The following CD99 variants were observed in gnomAD, a reference collection of about 807,000 sequenced individuals.
The protein encoded by CD99 is CD99 antigen.
Under a neutral mutation model 28.4 loss-of-function variants are expected in CD99, and 19 were observed. The ratio of observed to expected loss-of-function variants is 0.67; its 90% CI spans 0.47 to 0.98. The LOEUF (loss-of-function observed/expected upper bound fraction) is 0.98, where lower values mean the gene tolerates loss of function less well. Among genes scored for constraint, CD99 ranks in the 50% least tolerant of loss-of-function variants. The pLI is 0.00. For synonymous variants in CD99, 103 were observed against 92.1 expected (o/e 1.12, Z -0.67); for missense variants, 283 against 248.8 (o/e 1.14, Z -0.92).
chrX:2,708,121 T>C (rs1639338), intron 1 of CD99, among the ~76,000 whole-genome samples: 115,662 of 149,868 alleles, frequency 0.77, 44,181 homozygotes, highest in South Asian at 0.85. Flanking sequence ...GGGACTGCCT[T>C]CCTCACACAC....
chrX:2,724,883 GTA>G (rs1222559679), intron 7 of CD99, among the ~76,000 whole-genome samples: 1 of 144,604 alleles, frequency 6.9e-6, no homozygotes, highest in Non-Finnish European at 1.5e-5. Flanking sequence ...GGGTGACAAA[GTA>G]AGACTGCATT....
At chrX:2,713,428 C>T in intron 1 of CD99, among the ~76,000 whole-genome samples, 1 of 152,138 alleles carries the variant, frequency 6.6e-6, no homozygotes, top group Admixed American at 6.5e-5. Context: ...TATATGCACC[C>T]ACAACACATA....
At chrX:2,714,734 T>C in intron 2 of CD99, 2 of 331,512 alleles carry the variant, frequency 6.0e-6, no homozygotes. Context: ...CACGTGCTGT[T>C]GGAAAAAATG....
At chrX:2,709,695 T>C (rs1459941701) in intron 1 of CD99, among the ~76,000 whole-genome samples, 3 of 152,170 alleles carry the variant, frequency 2.0e-5, no homozygotes, top group Non-Finnish European at 2.9e-5. Context: ...CGCACATGCA[T>C]GAACATAGAC....
chrX:2,720,922 G>A lies in CD99; in HGVS notation c.262+498G>A, dbSNP rs867340877. ...ATGACAGGTGTGAGCCACTGTGCCT[G>A]GACTAGTTTGCTACTTTTGTTTCCA... On this transcript the variant is annotated intron_variant, in intron 5 of 9. Coordinates refer to ENST00000381192, the MANE Select transcript of CD99 (RefSeq NM_002414.5). Among the ~76,000 whole-genome samples the A allele has an allele frequency of 3.9e-5, 6 of 152,134 alleles. No homozygotes were observed. In the South Asian group the frequency reaches 1.2e-3, roughly 32 times the overall value.
intron 8 of CD99, chrX:2,733,413 G>C: frequency 3.8e-6 from 6 of 1,574,568 alleles, no homozygotes; most frequent in African/African-American, 1.3e-5. Flanking sequence ...GGAGCGTCCT[G>C]ACCGTAATCG....
intron 1 of CD99, among the ~76,000 whole-genome samples, chrX:2,711,035 C>G (rs1229001993): frequency 6.6e-6 from 1 of 150,382 alleles, no homozygotes; most frequent in Non-Finnish European, 1.5e-5. Context: ...CACGCCTGGC[C>G]AATTTTTTTG....
intron 1 of CD99, among the ~76,000 whole-genome samples, chrX:2,708,455 C>G (rs913088815): frequency 6.6e-6 from 1 of 152,102 alleles, no homozygotes; most frequent in African/African-American, 2.4e-5. Flanking sequence ...AGGGGACAGA[C>G]TGACAGAGCC....
chrX:2,701,245 A>G (rs776759089), intron 1 of CD99, among the ~76,000 whole-genome samples: 2 of 150,960 alleles, frequency 1.3e-5, no homozygotes, highest in African/African-American at 4.9e-5. Flanking sequence ...CCACCCATTT[A>G]CCCACCCACC....
chrX:2,741,189 A>G lies in CD99; in HGVS notation c.*385A>G. On this transcript the variant is annotated 3_prime_UTR_variant, in exon 10 of 10. Transcript: ENST00000381192. ...ATCGAGCACGTCTGAAACCCCTGGTAGCCCCGACTTCTTTTTAATTAAAAT... is the reference window on the plus strand; with the variant it reads ...ATCGAGCACGTCTGAAACCCCTGGTGGCCCCGACTTCTTTTTAATTAAAAT... The G allele has an allele frequency of 4.0e-6, 1 of 250,130 alleles. No individual in the cohort carries two copies. The allele number at this position is 250,130 out of a possible 1,614,324, so 15.5% of individuals were successfully genotyped here. A position where few individuals can be genotyped will look rare whatever the true frequency, so the allele number is the denominator to read the frequency against.
At chrX:2,722,479 T>TC in intron 5 of CD99, 148 bp from the exon 6 acceptor site, 1 of 730,924 alleles carries the variant, frequency 1.4e-6, no homozygotes, top group South Asian at 1.6e-5. Flanking sequence ...TGTCACCACA[T>TC]CCAGCTAATT....
chrX:2,709,297 C>T (rs914170645), intron 1 of CD99, among the ~76,000 whole-genome samples: 3 of 118,218 alleles, frequency 2.5e-5, no homozygotes, highest in Middle Eastern at 5.2e-3. Context: ...CACATGAAAA[C>T]ACACAAGCAC....
At position 2,716,144 on chromosome X, in the gene CD99, G is replaced by A. The variant is rs542308574; in HGVS notation, c.101-1461G>A. On this transcript the variant is annotated intron_variant, in intron 2 of 9. Coordinates refer to ENST00000381192, the MANE Select transcript of CD99 (RefSeq NM_002414.5). ...AGTGATTCTCCTGCCTCTGCCTCCC[G>A]AGTAACTGGGATTACAGGCATGCAC... is the stretch of plus-strand genomic sequence containing the variant. 9.3e-5 allele frequency among the ~76,000 whole-genome samples: 14 copies of A among 151,130 alleles called. No homozygotes were observed. In the South Asian group the frequency reaches 1.3e-3, roughly 14 times the overall value.
rs1169195974 is a variant in CD99 at position 2,692,094 on chromosome X, T to G, written c.67+667T>G. The G allele has an allele frequency of 5.0e-6, 3 of 602,508 alleles. No individual in the cohort carries two copies. In the East Asian group the frequency reaches 8.3e-5, roughly 17 times the overall value. 37.3% of individuals were successfully genotyped at this position (602,508 alleles called of 1,614,324 possible). The stretch of plus-strand genomic sequence containing the variant: ...TGGAGAATTCGGAAAACAGAAAAAG[T>G]GGGCAGGGAAGAAAGAGCCACGGTC... On this transcript the variant is annotated intron_variant, in intron 1 of 9. Transcript: ENST00000381192.
intron 8 of CD99, among the ~76,000 whole-genome samples, chrX:2,736,629 G>A (rs756684274): frequency 3.3e-5 from 5 of 151,946 alleles, no homozygotes; most frequent in Non-Finnish European, 7.4e-5. Context: ...AGGCCGAGGT[G>A]GGCGGATCAC....
At chrX:2,720,707 C>T (rs898897736) in intron 5 of CD99, among the ~76,000 whole-genome samples, 3 of 148,080 alleles carry the variant, frequency 2.0e-5, no homozygotes, top group Non-Finnish European at 4.4e-5. Context: ...TCACTGCAAC[C>T]TCCACCTACT....
chrX:2,732,485 T>C (rs2049674516), intron 8 of CD99, among the ~76,000 whole-genome samples: 2 of 150,768 alleles, frequency 1.3e-5, no homozygotes. Context: ...CCTTCCCTCC[T>C]CCTTTCTTTC....
intron 8 of CD99, among the ~76,000 whole-genome samples, chrX:2,731,017 C>CA (rs1371120566): frequency 3.9e-5 from 6 of 151,926 alleles, no homozygotes; most frequent in Admixed American, 2.6e-4. Flanking sequence ...AGGACCTTTC[C>CA]AACTGCATCC....
chrX:2,693,764 T>C (rs1033306508), intron 1 of CD99, among the ~76,000 whole-genome samples: 1 of 151,842 alleles, frequency 6.6e-6, no homozygotes, highest in Non-Finnish European at 1.5e-5. Flanking sequence ...GGGAGGTGTA[T>C]AGAGGAAAAG....
Sources: gnomAD v4.1 joint callset for allele counts (sites outside exome capture counted in the v4.1 genomes callset) on GRCh38, gnomAD v4.1.1 for gene constraint, MANE v1.5 for transcripts, NCBI Gene and HGNC (gene_info 2026-07-23, HGNC 2026-07-21) for gene names.